ZBTB24: variants seen among roughly 807,000 people sequenced by gnomAD.
ZBTB24 encodes the protein zinc finger and BTB domain containing 24, also known as zinc finger and BTB domain-containing protein 24.
ZBTB24 carries 32 observed loss-of-function variants against 53.8 expected under a neutral mutation model. The ratio of observed to expected loss-of-function variants is 0.60; its 90% CI spans 0.45 to 0.80. The LOEUF is 0.80. ZBTB24 is among the 30% of genes least tolerant of loss of function. The pLI is 0.00. For missense variants in ZBTB24, 722 were observed against 837.1 expected, an observed-to-expected ratio of 0.86 and a Z score of 1.70; for synonymous variants, 297 against 306.7, an observed-to-expected ratio of 0.97 and a Z score of 0.33.
intron 6 of ZBTB24, among the ~76,000 whole-genome samples, chr6:109,467,409 GCCA>G (rs1776069445): frequency 6.6e-6 from 1 of 152,052 alleles, no homozygotes; most frequent in Non-Finnish European, 1.5e-5. Context: ...TACTCAGGAG[GCCA>G]CGGTGGGAGA....
rs769351032 is a variant in ZBTB24 at position 109,481,259 on chromosome 6, C to A, written c.768G>T (p.Arg256=). 1 of 1,614,240 alleles carries A rather than the reference C, an allele frequency of 6.2e-7. No individual in the cohort carries two copies. Among genetic ancestry groups the A allele is most frequent in the Admixed American group, 1.7e-5 (1 of 60,020 alleles). The stretch of plus-strand genomic sequence containing the variant: ...TAAGTTTGACGGATCTCCAAATCCT[C>A]CGCTTGCTGTATCGACTCTGGCTTG... ...GQASQSRYSK[R]RIWRSVKLKD... Residue 256 remains arginine, a synonymous_variant, in exon 2 of 7, where the codon CGG becomes CGT. Coordinates refer to ENST00000230122, the MANE Select transcript of ZBTB24 (RefSeq NM_014797.3).
intron 5 of ZBTB24, among the ~76,000 whole-genome samples, 197 bp from the exon 6 acceptor site, chr6:109,467,931 G>A (rs904611353): frequency 2.6e-5 from 4 of 152,082 alleles, no homozygotes; most frequent in Admixed American, 2.6e-4. Context: ...ACTGTGTGCC[G>A]AGTGCCAAGA....
intron 2 of ZBTB24, 152 bp from the exon 3 acceptor site, chr6:109,477,082 G>A: frequency 8.7e-7 from 1 of 1,143,590 alleles, no homozygotes. Context: ...ATAAAATTTT[G>A]GAAGCTGAAC....
At position 109,466,704 on chromosome 6, in the gene ZBTB24, T is replaced by A. The variant is rs1582669004; in HGVS notation, c.1371-130A>T. ...GCAAGTCATAAGTCATGGGTTCACC[T>A]ACTAATTCAAGGACTTGAAGCAAGT... On this transcript the variant is annotated intron_variant, in intron 6 of 6. Transcript: ENST00000230122. 1.0e-5 allele frequency: 13 copies of A among 1,268,540 alleles called. No individual in the cohort carries two copies. In the East Asian group the frequency reaches 2.8e-4, roughly 27 times the overall value. The allele number at this position is 1,268,540 out of a possible 1,614,324, so 78.6% of individuals were successfully genotyped here.
chr6:109,466,644 G>A (rs928768306), intron 6 of ZBTB24, 70 bp from the exon 7 acceptor site: 17 of 1,580,970 alleles, frequency 1.1e-5, no homozygotes, highest in Middle Eastern at 4.2e-4. Flanking sequence ...TATTTAGGGG[G>A]AAGCAATCAA....
chr6:109,479,235 G>A (rs1324043597), intron 2 of ZBTB24, among the ~76,000 whole-genome samples: 2 of 152,148 alleles, frequency 1.3e-5, no homozygotes, highest in Non-Finnish European at 2.9e-5. Context: ...GCAAAATTCA[G>A]AATACAGATG....
intron 5 of ZBTB24, among the ~76,000 whole-genome samples, chr6:109,474,466 C>T (rs1776237185): frequency 6.6e-6 from 1 of 152,214 alleles, no homozygotes; most frequent in African/African-American, 2.4e-5. Flanking sequence ...GGCACAGTGG[C>T]TCACGCCTGT....
At chr6:109,476,331 T>C (rs2115361642) in intron 3 of ZBTB24, 73 bp from the exon 4 acceptor site, 1 of 1,507,262 alleles carries the variant, frequency 6.6e-7, no homozygotes, top group East Asian at 2.3e-5. Flanking sequence ...ATAAGGTAAA[T>C]ACTACAGTGG....
chr6:109,468,086 C>T (rs1212002580), intron 5 of ZBTB24, among the ~76,000 whole-genome samples: 8 of 152,074 alleles, frequency 5.3e-5, no homozygotes, highest in Non-Finnish European at 1.0e-4. Context: ...GGCTAGGTAG[C>T]CCACTTGACC....
At chr6:109,468,302 C>T (rs948551811) in intron 5 of ZBTB24, among the ~76,000 whole-genome samples, 1 of 152,032 alleles carries the variant, frequency 6.6e-6, no homozygotes, top group Non-Finnish European at 1.5e-5. Flanking sequence ...CCAGAGTGAG[C>T]CTTGATGCAG....
intron 5 of ZBTB24, among the ~76,000 whole-genome samples, chr6:109,468,594 G>A (rs1428760302): frequency 6.6e-6 from 1 of 151,670 alleles, no homozygotes; most frequent in Non-Finnish European, 1.5e-5. Context: ...CTCCAATTTA[G>A]TTTTTCCACA....
intron 2 of ZBTB24, among the ~76,000 whole-genome samples, chr6:109,479,787 G>C (rs560206340): frequency 1.3e-5 from 2 of 151,808 alleles, no homozygotes; most frequent in African/African-American, 2.4e-5. Flanking sequence ...GTGGTGGCGT[G>C]TGCCTGTAAT....
At chr6:109,475,182 T>A (rs1000763109) in intron 5 of ZBTB24, among the ~76,000 whole-genome samples, 2 of 152,116 alleles carry the variant, frequency 1.3e-5, no homozygotes, top group Non-Finnish European at 2.9e-5. Flanking sequence ...CAGTAAGTGA[T>A]CTCCATTTTG....
At chr6:109,474,070 C>CA (rs1324640437) in intron 5 of ZBTB24, among the ~76,000 whole-genome samples, 4 of 130,778 alleles carry the variant, frequency 3.1e-5, no homozygotes, top group African/African-American at 1.2e-4. Context: ...GCCTGGGCGA[C>CA]AGAGACAGTG....
In ZBTB24 at chr6:109,466,575, C is replaced by T. The variant is rs1474527522; in HGVS notation, c.1371-1G>A. The T allele has an allele frequency of 2.5e-6, 4 of 1,609,318 alleles. No individual in the cohort carries two copies. Among genetic ancestry groups the T allele is most frequent in the Non-Finnish European group, 2.5e-6 (3 of 1,180,004 alleles). On this transcript the variant is annotated splice_acceptor_variant, in intron 6 of 6. Transcript: ENST00000230122. LOFTEE classifies it high-confidence loss of function. ...GCCACAGGAGTATGGCTTTTCTCCT[C>T]TGTAAGAAAATAAACATTTTATTTT...
intron 2 of ZBTB24, 58 bp downstream of exon 2, chr6:109,481,017 T>C (rs775490457): frequency 5.6e-5 from 90 of 1,594,892 alleles, no homozygotes; most frequent in South Asian, 3.0e-4. Context: ...AAGCTATTAT[T>C]ATCATCACTA....
chr6:109,467,658 G>A lies in ZBTB24; in HGVS notation c.1365C>T (p.Ile455=). ...AKSSLQTHIR[I]HRGEKPYSCG... is the part of the protein sequence containing the mutation. ...AAATATCTGCAAAACTTTACCGATG[G>A]ATTCTGATGTGGGTCTGAAGAGAAC... Residue 455 remains isoleucine, a synonymous_variant, in exon 6 of 7, where the codon ATC becomes ATT. Transcript: ENST00000230122. 6.2e-7 allele frequency: 1 copy of A among 1,614,098 alleles called. No individual in the cohort carries two copies. The highest frequency in any genetic ancestry group is 2.2e-5 in the East Asian group (1 of 44,888).
At chr6:109,468,558 C>T (rs970211610) in intron 5 of ZBTB24, among the ~76,000 whole-genome samples, 1 of 152,128 alleles carries the variant, frequency 6.6e-6, no homozygotes, top group Admixed American at 6.5e-5. Context: ...CACTACAAAC[C>T]TTGCCACGCA....
At chr6:109,476,306 C>A (rs556028682) in intron 3 of ZBTB24, 48 bp from the exon 4 acceptor site, 1 of 1,598,888 alleles carries the variant, frequency 6.3e-7, no homozygotes, top group East Asian at 2.2e-5. Flanking sequence ...TTATAAAGAA[C>A]TGGAATGCTC....
Sources: gnomAD v4.1 joint callset for allele counts (sites outside exome capture counted in the v4.1 genomes callset) on GRCh38, gnomAD v4.1.1 for gene constraint, MANE v1.5 for transcripts, NCBI Gene and HGNC (gene_info 2026-07-23, HGNC 2026-07-21) for gene names.